FGD4: variants seen among roughly 807,000 people sequenced by gnomAD.
FGD4 encodes FYVE, RhoGEF and PH domain containing 4, also known as FYVE, RhoGEF and PH domain-containing protein 4.
Under a neutral mutation model 102.0 loss-of-function variants are expected in FGD4, and 42 were observed. That is an observed-to-expected ratio of 0.41 (90% CI 0.32 to 0.53). FGD4 has a LOEUF of 0.53. Among genes scored for constraint, FGD4 ranks in the 20% least tolerant of loss-of-function variants. The pLI is 0.21. For missense variants in FGD4, 902 were observed against 1,078.2 expected (o/e 0.84, Z 2.29); for synonymous variants, 380 against 375.7 (o/e 1.01, Z -0.13).
chr12:32,554,180 GAGTTCT>G (rs1336948543), intron 1 of FGD4, among the ~76,000 whole-genome samples: 1 of 152,160 alleles, frequency 6.6e-6, no homozygotes, highest in East Asian at 1.9e-4. Context: ...AACATCTGGA[GAGTTCT>G]ACAATTCCAG....
intron 1 of FGD4, among the ~76,000 whole-genome samples, chr12:32,563,725 G>C (rs1161117214): frequency 6.6e-6 from 1 of 152,216 alleles, no homozygotes; most frequent in Non-Finnish European, 1.5e-5. Flanking sequence ...AGCACTGAGT[G>C]AACCAGACTC....
chr12:32,619,443 A>G (rs1296569314), intron 10 of FGD4, among the ~76,000 whole-genome samples: 1 of 151,948 alleles, frequency 6.6e-6, no homozygotes, highest in East Asian at 1.9e-4. Context: ...CCTGGCTAAC[A>G]CAGTGAAACC....
chr12:32,600,865 A>G (rs1228056868), intron 5 of FGD4, among the ~76,000 whole-genome samples: 1 of 152,142 alleles, frequency 6.6e-6, no homozygotes, highest in Non-Finnish European at 1.5e-5. Flanking sequence ...ATAAAGGGAA[A>G]TATGTAATAA....
At chr12:32,561,470 T>C (rs1172167412) in intron 1 of FGD4, among the ~76,000 whole-genome samples, 2 of 152,202 alleles carry the variant, frequency 1.3e-5, no homozygotes, top group Non-Finnish European at 2.9e-5. Flanking sequence ...AGAAAGTTGA[T>C]TGGGTTTTTT....
At chr12:32,513,804 A>C (rs1405536436) in intron 1 of FGD4, among the ~76,000 whole-genome samples, 2 of 152,228 alleles carry the variant, frequency 1.3e-5, no homozygotes, top group African/African-American at 4.8e-5. Flanking sequence ...TGAGGGAAGC[A>C]GACTTGGATC....
In FGD4 at chr12:32,530,941, G is replaced by GTTTTTTTTTTTTTT. The variant is rs768536136; in HGVS notation, c.167-33180_167-33167dup. Among the ~76,000 whole-genome samples the GTTTTTTTTTTTTTT allele has an allele frequency of 9.1e-4, 64 of 70,478 alleles. 12 individuals carry two copies. The highest frequency in any genetic ancestry group is 3.8e-3 in the African/African-American group (55 of 14,492). The allele number at this position is 70,478 out of a possible 152,430, so 46.2% of individuals were successfully genotyped here. ...TATGACAATCAGTTTCCTAGCTTTG[G>GTTTTTTTTTTTTTT]TTTTTTTTTTTTTTTTTTTTTTTTT... is the stretch of plus-strand genomic sequence containing the variant. On this transcript the variant is annotated intron_variant, in intron 1 of 16. Transcript: ENST00000534526.
At chr12:32,521,953 A>G (rs1238879770) in intron 1 of FGD4, among the ~76,000 whole-genome samples, 3 of 152,234 alleles carry the variant, frequency 2.0e-5, no homozygotes, top group Non-Finnish European at 2.9e-5. Flanking sequence ...TGATTACTAA[A>G]GTTGACAATA....
At chr12:32,525,269 C>T (rs111777947) in intron 1 of FGD4, among the ~76,000 whole-genome samples, 1 of 152,142 alleles carries the variant, frequency 6.6e-6, no homozygotes, top group African/African-American at 2.4e-5. Context: ...TGTAAAGTGC[C>T]CCAGCCTCAT....
chr12:32,514,861 TA>T (rs755036589), intron 1 of FGD4, among the ~76,000 whole-genome samples: 89 of 152,248 alleles, frequency 5.8e-4, no homozygotes, highest in Non-Finnish European at 1.0e-3. Context: ...TAACCAAAAA[TA>T]AATTTCATAT....
At chr12:32,619,597 A>G in intron 10 of FGD4, 101 bp from the exon 11 acceptor site, 10 of 1,327,078 alleles carry the variant, frequency 7.5e-6, no homozygotes, top group South Asian at 1.2e-5. Context: ...ACACTATTAC[A>G]CTCCAGCCTG....
intron 1 of FGD4, among the ~76,000 whole-genome samples, chr12:32,416,938 C>T (rs1941440690): frequency 6.6e-6 from 1 of 151,444 alleles, no homozygotes; most frequent in East Asian, 1.9e-4. Flanking sequence ...GCTCTGTCAC[C>T]CAGGTTGGAG....
At position 32,582,052 on chromosome 12, in the gene FGD4, C is replaced by T. The variant is rs747690428; in HGVS notation, c.596C>T (p.Pro199Leu). Residue 199 changes from proline to leucine, a missense_variant, in exon 4 of 17, where the codon CCT becomes CTT. Coordinates refer to ENST00000534526, the MANE Select transcript of FGD4 (RefSeq NM_001370298.3). ...GGAAGGCATGGATTGACAACCACAC[C>T]TCAACAAAAACTCCTCTCCCAGCAC... ...TPGRHGLTTT[P>L]QQKLLSQHLP... 8.1e-6 allele frequency: 13 copies of T among 1,614,136 alleles called. No individual in the cohort carries two copies. The South Asian group carries it at 1.2e-4, about 15-fold the overall frequency.
chr12:32,532,811 A>G (rs1941924616), intron 1 of FGD4, among the ~76,000 whole-genome samples: 1 of 152,206 alleles, frequency 6.6e-6, no homozygotes, highest in Non-Finnish European at 1.5e-5. Context: ...GTTAAAAACA[A>G]TTCAGGTTTC....
In FGD4 at chr12:32,590,083, G is replaced by A. The variant is rs145224127; in HGVS notation, c.1011+7616G>A. Among the ~76,000 whole-genome samples, 624 of 152,140 alleles carry A rather than the reference G, an allele frequency of 4.1e-3. 2 individuals are homozygous for A. The highest frequency in any genetic ancestry group is 0.01 in the Middle Eastern group (3 of 294). On this transcript the variant is annotated intron_variant, in intron 4 of 16. Transcript: ENST00000534526. ...AGCACTTTGGGAGGCCGAGACAGGT[G>A]GATCACCTGAGGTCAGGAGTTCTAG...
intron 1 of FGD4, among the ~76,000 whole-genome samples, chr12:32,410,629 A>G (rs1213609312): frequency 6.6e-6 from 1 of 152,206 alleles, no homozygotes; most frequent in African/African-American, 2.4e-5. Context: ...TTATTGCCTC[A>G]CTTAAGCGAG....
intron 1 of FGD4, among the ~76,000 whole-genome samples, chr12:32,438,954 G>T (rs1049811877): frequency 2.6e-5 from 4 of 152,202 alleles, no homozygotes; most frequent in Middle Eastern, 6.8e-3. Flanking sequence ...TGATTCGATC[G>T]ATTTGACCAG....
chr12:32,580,886 CA>C (rs533419575), intron 3 of FGD4, among the ~76,000 whole-genome samples: 3,343 of 72,112 alleles, frequency 0.046, 70 homozygotes, highest in African/African-American at 0.13. Context: ...GACTCCGTCT[CA>C]AAAAAAAAAA....
At chr12:32,467,853 T>C (rs1223008563) in intron 1 of FGD4, among the ~76,000 whole-genome samples, 1 of 152,004 alleles carries the variant, frequency 6.6e-6, no homozygotes, top group East Asian at 1.9e-4. Context: ...CTGTCTCTAC[T>C]AAAAATACAA....
At chr12:32,511,802 T>A (rs1038261654) in intron 1 of FGD4, 6 of 152,078 alleles carry the variant, frequency 3.9e-5, no homozygotes, top group Non-Finnish European at 7.4e-5. Context: ...TAAAGCAATA[T>A]TAAAGGTATA....
Sources: allele counts gnomAD v4.1 joint callset (sites outside exome capture counted in the v4.1 genomes callset), GRCh38; gene constraint gnomAD v4.1.1; transcripts MANE v1.5; gene names NCBI Gene and HGNC (gene_info 2026-07-23, HGNC 2026-07-21).